Variants in ADAMTS16 observed in about 807,000 individuals in gnomAD.
The protein encoded by ADAMTS16 is ADAM metallopeptidase with thrombospondin type 1 motif 16.
In ADAMTS16, 94 loss-of-function variants were observed where a neutral mutation model predicts 145.8. The ratio of observed to expected loss-of-function variants is 0.64; its 90% CI spans 0.55 to 0.77. The LOEUF is 0.77. Ranked by LOEUF, ADAMTS16 falls within the 30% of genes least tolerant of loss-of-function variation. ADAMTS16 has a pLI of 0.00. For synonymous variants in ADAMTS16, 659 were observed against 604.3 expected (o/e 1.09, Z -1.33); for missense variants, 1,585 against 1,591.5 (o/e 1.00, Z 0.07).
At chr5:5,280,003 T>C (rs1438140048) in intron 18 of ADAMTS16, among the ~76,000 whole-genome samples, 2 of 152,012 alleles carry the variant, frequency 1.3e-5, no homozygotes, top group African/African-American at 4.8e-5. Flanking sequence ...CTTTCTTTTC[T>C]TTCTCTACTC....
intron 18 of ADAMTS16, among the ~76,000 whole-genome samples, chr5:5,278,780 T>G (rs1738790555): frequency 6.6e-6 from 1 of 152,212 alleles, no homozygotes; most frequent in South Asian, 2.1e-4. Context: ...GCTTAGACTT[T>G]ATGTTTATTT....
intron 3 of ADAMTS16, among the ~76,000 whole-genome samples, chr5:5,164,361 T>G (rs1734810547): frequency 6.6e-6 from 1 of 152,256 alleles, no homozygotes; most frequent in Non-Finnish European, 1.5e-5. Flanking sequence ...TGCTGTGTTC[T>G]GCATAAGTCA....
chr5:5,243,874 T>C (rs1319460566), intron 17 of ADAMTS16, among the ~76,000 whole-genome samples: 1 of 152,196 alleles, frequency 6.6e-6, no homozygotes, highest in African/African-American at 2.4e-5. Flanking sequence ...GGATGATTAG[T>C]GTATTTGCAA....
chr5:5,201,019 A>G (rs1008779331), intron 9 of ADAMTS16, among the ~76,000 whole-genome samples: 2 of 152,232 alleles, frequency 1.3e-5, no homozygotes, highest in Admixed American at 6.5e-5. Context: ...AGTTTGGTTT[A>G]AATCTTAAGC....
intron 6 of ADAMTS16, among the ~76,000 whole-genome samples, 189 bp downstream of exon 6, chr5:5,187,997 G>C (rs1312450616): frequency 6.6e-6 from 1 of 151,964 alleles, no homozygotes; most frequent in African/African-American, 2.4e-5. Flanking sequence ...TTTTTTGTGG[G>C]GTTTTTTGTG....
chr5:5,190,041 TG>T lies in ADAMTS16; in HGVS notation c.1122del (p.Asp376MetfsTer11). On this transcript the variant is annotated frameshift_variant, in exon 7 of 23. Coordinates refer to ENST00000274181, the MANE Select transcript of ADAMTS16 (RefSeq NM_139056.4). LOFTEE classifies it high-confidence loss of function. ...TTCTGCCAGTGGCAGTCTGGATTGATGGGGAAAGATGGGACTCGTCATGACC... is the reference window on the plus strand; with the variant it reads ...TTCTGCCAGTGGCAGTCTGGATTGATGGGAAAGATGGGACTCGTCATGACC... Reference protein sequence around the residue: ...SSFCQWQSGLMGKDGTRHDHA... With the variant: ...SSFCQWQSGLXGKDGTRHDHA... The T allele has an allele frequency of 3.1e-6, 5 of 1,613,364 alleles. No individual in the cohort carries two copies. Among genetic ancestry groups the T allele is most frequent in the Non-Finnish European group, 4.2e-6 (5 of 1,179,680 alleles).
intron 18 of ADAMTS16, among the ~76,000 whole-genome samples, chr5:5,301,811 A>G (rs1739787113): frequency 6.6e-6 from 1 of 152,198 alleles, no homozygotes; most frequent in African/African-American, 2.4e-5. Context: ...AATGCCGTAG[A>G]GTGGAAGACA....
chr5:5,313,317 C>T (rs1319064532), intron 21 of ADAMTS16, among the ~76,000 whole-genome samples: 1 of 152,200 alleles, frequency 6.6e-6, no homozygotes, highest in East Asian at 1.9e-4. Flanking sequence ...ACCAGACAGG[C>T]TTATTCTTGT....
At position 5,304,206 on chromosome 5, in the gene ADAMTS16, G is replaced by A. The variant is rs116233135; in HGVS notation, c.3186+440G>A. On this transcript the variant is annotated intron_variant, in intron 20 of 22. Transcript: ENST00000274181. ...TACCCATTTCCTGAGACAAGTTTCC[G>A]GGGGCAGCTGTTCTATTTGCGAAAG... Among the ~76,000 whole-genome samples the A allele has an allele frequency of 7.0e-3, 1,072 of 152,234 alleles. 16 individuals are homozygous for A. Among genetic ancestry groups the A allele is most frequent in the African/African-American group, 0.024 (999 of 41,540 alleles).
chr5:5,186,391 T>C lies in ADAMTS16; in HGVS notation c.963+140T>C. ...GTTCCATATATGAGAAATATTTTAT[T>C]GGTGATAACTCATTTAGTTTTCTAT... On this transcript the variant is annotated intron_variant, in intron 5 of 22. Transcript: ENST00000274181. The C allele has an allele frequency of 3.7e-6, 3 of 803,008 alleles. No individual in the cohort carries two copies. The South Asian group carries it at 5.3e-5, about 14-fold the overall frequency. The allele number at this position is 803,008 out of a possible 1,614,324, so 49.7% of individuals were successfully genotyped here.
chr5:5,216,849 A>G lies in ADAMTS16; in HGVS notation c.1606-5940A>G, dbSNP rs1372280723. Among the ~76,000 whole-genome samples the G allele has an allele frequency of 2.0e-5, 3 of 146,500 alleles. No individual in the cohort carries two copies. The Admixed American group carries it at 2.1e-4, about 10-fold the overall frequency. On this transcript the variant is annotated intron_variant, in intron 10 of 22. Transcript: ENST00000274181. ...TCAATTCCCACCTATGAGTGAGAATATGCGGTGTTTGGTTTTTTGTTCTTG... is the reference window on the plus strand; with the variant it reads ...TCAATTCCCACCTATGAGTGAGAATGTGCGGTGTTTGGTTTTTTGTTCTTG...
intron 17 of ADAMTS16, 93 bp downstream of exon 17, chr5:5,242,284 G>T: frequency 6.7e-7 from 1 of 1,482,488 alleles, no homozygotes. Flanking sequence ...CTAATGAGCA[G>T]CCCGGGGCTT....
intron 8 of ADAMTS16, among the ~76,000 whole-genome samples, chr5:5,195,719 C>T (rs77498554): frequency 6.6e-6 from 1 of 152,190 alleles, no homozygotes; most frequent in Non-Finnish European, 1.5e-5. Context: ...CAGTCTGTCT[C>T]TTGCATTTCC....
chr5:5,273,512 T>C (rs1412586907), intron 18 of ADAMTS16, among the ~76,000 whole-genome samples: 2 of 152,176 alleles, frequency 1.3e-5, no homozygotes, highest in African/African-American at 4.8e-5. Context: ...TGAAAACCTG[T>C]CTCAATAAAT....
rs138418442 is a variant in ADAMTS16, at chr5:5,229,886, T to A, written c.1702-2482T>A. Among the ~76,000 whole-genome samples the A allele has an allele frequency of 3.9e-5, 6 of 152,274 alleles. No homozygotes were observed. In the East Asian group the frequency reaches 1.2e-3, roughly 29 times the overall value. Reference sequence around the variant, plus strand: ...TCAAAGATGTAAAGGATCTGGGAAATGATTGTTAATGGCTGCTAAAAGTAT... The same window carrying A: ...TCAAAGATGTAAAGGATCTGGGAAAAGATTGTTAATGGCTGCTAAAAGTAT... On this transcript the variant is annotated intron_variant, in intron 11 of 22. Coordinates refer to ENST00000274181, the MANE Select transcript of ADAMTS16 (RefSeq NM_139056.4).
At chr5:5,182,397 C>T in intron 4 of ADAMTS16, 92 bp downstream of exon 4, 1 of 1,487,588 alleles carries the variant, frequency 6.7e-7, no homozygotes, top group Non-Finnish European at 9.0e-7. Flanking sequence ...AGCATGTCTG[C>T]CCACGGGGTG....
chr5:5,309,669 T>G (rs965036887), intron 21 of ADAMTS16, among the ~76,000 whole-genome samples: 29 of 152,162 alleles, frequency 1.9e-4, no homozygotes, highest in Admixed American at 1.3e-4. Flanking sequence ...TTTGACAGTA[T>G]CATCTTTAAA....
At chr5:5,239,001 A>G in intron 14 of ADAMTS16, 150 bp from the exon 15 acceptor site, 1 of 823,076 alleles carries the variant, frequency 1.2e-6, no homozygotes, top group East Asian at 3.0e-5. Context: ...CTGTGCACAT[A>G]TTAGGTATCC....
At chr5:5,216,194 C>T (rs763728185) in intron 10 of ADAMTS16, among the ~76,000 whole-genome samples, 10 of 152,006 alleles carry the variant, frequency 6.6e-5, no homozygotes, top group South Asian at 2.1e-4. Flanking sequence ...CACATCCACA[C>T]ACAAACATCT....
Sources: gnomAD v4.1 joint callset for allele counts (sites outside exome capture counted in the v4.1 genomes callset) on GRCh38, gnomAD v4.1.1 for gene constraint, MANE v1.5 for transcripts, NCBI Gene and HGNC (gene_info 2026-07-23, HGNC 2026-07-21) for gene names.